The following WWOX variants were observed in gnomAD, a reference collection of about 807,000 sequenced individuals.
WWOX encodes the protein WW domain-containing oxidoreductase.
In WWOX, 69 loss-of-function variants were observed where a neutral mutation model predicts 46.2. The observed-to-expected ratio is 1.49, with a 90% CI of 1.23 to 1.82. The LOEUF is 1.82. Ranked by LOEUF, WWOX falls within the 40% of genes most tolerant of loss-of-function variation. The pLI is 0.00. For missense variants in WWOX, 919 were observed against 542.6 expected (o/e 1.69, Z -6.89); for synonymous variants, 359 against 202.6 (o/e 1.77, Z -6.56).
chr16:79,090,696 T>C (rs1350676867), intron 8 of WWOX, among the ~76,000 whole-genome samples: 2 of 152,110 alleles, frequency 1.3e-5, no homozygotes, highest in Non-Finnish European at 2.9e-5. Flanking sequence ...AGTATCAAGG[T>C]CCCGAGTGAG....
intron 8 of WWOX, among the ~76,000 whole-genome samples, chr16:78,609,569 T>TC (rs1228975884): frequency 6.6e-6 from 1 of 151,578 alleles, no homozygotes; most frequent in Non-Finnish European, 1.5e-5. Flanking sequence ...CCCAGACTCC[T>TC]CATACCCCTC....
At chr16:78,861,186 C>G (rs1345768825) in intron 8 of WWOX, among the ~76,000 whole-genome samples, 1 of 152,040 alleles carries the variant, frequency 6.6e-6, no homozygotes, top group Non-Finnish European at 1.5e-5. Context: ...TTGCTTCTTT[C>G]CTTTTTTCCT....
At chr16:78,885,192 C>CTT (rs58558697) in intron 8 of WWOX, among the ~76,000 whole-genome samples, 53 of 127,704 alleles carry the variant, frequency 4.2e-4, no homozygotes, top group African/African-American at 1.5e-3. Flanking sequence ...TCACTCTCTA[C>CTT]TTTTTTTTTT....
intron 8 of WWOX, among the ~76,000 whole-genome samples, chr16:78,947,850 C>T (rs536985845): frequency 6.6e-6 from 1 of 152,124 alleles, no homozygotes; most frequent in Non-Finnish European, 1.5e-5. Flanking sequence ...AATAAAATAT[C>T]CCAGAGTGGC....
intron 8 of WWOX, among the ~76,000 whole-genome samples, chr16:78,707,213 A>C (rs1387076143): frequency 1.3e-5 from 2 of 152,158 alleles, no homozygotes; most frequent in Non-Finnish European, 2.9e-5. Context: ...CTCCCATCAG[A>C]GCACCATCAG....
intron 8 of WWOX, among the ~76,000 whole-genome samples, chr16:78,957,435 T>C (rs2046189666): frequency 6.6e-6 from 1 of 152,208 alleles, no homozygotes; most frequent in African/African-American, 2.4e-5. Flanking sequence ...GGCCTGAACT[T>C]GTCAACAGCC....
chr16:79,023,550 G>C (rs1019573314), intron 8 of WWOX, among the ~76,000 whole-genome samples: 8 of 152,198 alleles, frequency 5.3e-5, no homozygotes, highest in Admixed American at 3.9e-4. Flanking sequence ...GAAGAGGACA[G>C]TGACCATCCA....
intron 8 of WWOX, among the ~76,000 whole-genome samples, chr16:78,996,880 C>G (rs913342298): frequency 1.3e-5 from 2 of 152,202 alleles, no homozygotes; most frequent in African/African-American, 4.8e-5. Flanking sequence ...TGCTGCAGAG[C>G]TGCGTCCACA....
chr16:79,089,823 C>A (rs2048921464), intron 8 of WWOX, among the ~76,000 whole-genome samples: 1 of 151,960 alleles, frequency 6.6e-6, no homozygotes, highest in African/African-American at 2.4e-5. Flanking sequence ...CTTTTCATTC[C>A]TCGGAGTTCT....
At chr16:78,847,405 A>G (rs80051429) in intron 8 of WWOX, among the ~76,000 whole-genome samples, 6,519 of 152,292 alleles carry the variant, frequency 0.043, 178 homozygotes, top group Non-Finnish European at 0.062. Flanking sequence ...ACATATCAGT[A>G]TCTATTATAA....
chr16:78,214,976 A>G (rs1401806099), intron 5 of WWOX, among the ~76,000 whole-genome samples: 1 of 152,172 alleles, frequency 6.6e-6, no homozygotes, highest in East Asian at 1.9e-4. Context: ...TACCATGAGA[A>G]TGGGTTAAAT....
chr16:78,913,495 C>G (rs1456737067), intron 8 of WWOX, among the ~76,000 whole-genome samples: 1 of 151,882 alleles, frequency 6.6e-6, no homozygotes, highest in African/African-American at 2.4e-5. Context: ...TGTTGGAAGC[C>G]ATACACAAGC....
intron 8 of WWOX, among the ~76,000 whole-genome samples, chr16:78,602,228 G>C (rs896579519): frequency 6.6e-6 from 1 of 151,968 alleles, no homozygotes; most frequent in African/African-American, 2.4e-5. Flanking sequence ...TTCTCTTCTG[G>C]ATAGATCTGG....
intron 8 of WWOX, among the ~76,000 whole-genome samples, chr16:78,980,713 C>T (rs1320054142): frequency 1.3e-5 from 2 of 152,154 alleles, no homozygotes; most frequent in East Asian, 1.9e-4. Context: ...GGACCCGGAT[C>T]AGCTCCATTC....
chr16:78,708,105 C>T (rs1010823433), intron 8 of WWOX, among the ~76,000 whole-genome samples: 1 of 152,056 alleles, frequency 6.6e-6, no homozygotes, highest in Non-Finnish European at 1.5e-5. Context: ...GCAGGAATAT[C>T]ACCTGAGCCC....
chr16:78,109,691 G>A, intron 2 of WWOX, 87 bp from the exon 3 acceptor site: 1 of 1,393,148 alleles, frequency 7.2e-7, no homozygotes, highest in Non-Finnish European at 1.0e-6. Context: ...CTTGGGGGCG[G>A]GGCTGGGAGG....
chr16:78,874,111 C>T (rs894669114), intron 8 of WWOX, among the ~76,000 whole-genome samples: 3 of 151,650 alleles, frequency 2.0e-5, no homozygotes, highest in Admixed American at 2.0e-4. Context: ...AAAAAAATAG[C>T]TGGGCATGGT....
At chr16:79,144,473 C>T (rs1230445204) in intron 8 of WWOX, among the ~76,000 whole-genome samples, 3 of 152,130 alleles carry the variant, frequency 2.0e-5, no homozygotes, top group Non-Finnish European at 4.4e-5. Flanking sequence ...TAATAATGTC[C>T]ATGAAAAGAC....
intron 8 of WWOX, among the ~76,000 whole-genome samples, chr16:78,986,362 C>G (rs948727442): frequency 3.3e-5 from 5 of 152,156 alleles, no homozygotes; most frequent in African/African-American, 1.2e-4. Flanking sequence ...AAGGCATATT[C>G]CTAATATCCT....
Sources: allele counts gnomAD v4.1 joint callset (sites outside exome capture counted in the v4.1 genomes callset), GRCh38; gene constraint gnomAD v4.1.1; transcripts MANE v1.5; gene names NCBI Gene and HGNC (gene_info 2026-07-23, HGNC 2026-07-21).